MAML3: variants seen among roughly 807,000 people sequenced by gnomAD.
The protein encoded by MAML3 is mastermind like transcriptional coactivator 3, also known as mastermind-like protein 3.
Under a neutral mutation model 101.9 loss-of-function variants are expected in MAML3, and 27 were observed. The observed-to-expected ratio is 0.27, with a 90% CI of 0.20 to 0.37. MAML3 has a LOEUF of 0.37. Ranked by LOEUF, MAML3 falls within the 10% of genes least tolerant of loss-of-function variation. The pLI, the probability that MAML3 is intolerant of heterozygous loss-of-function variation, is 1.00. For synonymous variants in MAML3, 501 were observed against 555.9 expected (o/e 0.90, Z 1.39); for missense variants, 1,316 against 1,444.9 (o/e 0.91, Z 1.45).
At position 139,785,672 on chromosome 4, in the gene MAML3, A is replaced by AT. The variant is rs938103301; in HGVS notation, c.2080-55006dup. ...CCTTCATTCACATATCTCTGCACTA[A>AT]TTTTTTTTTTCCTGTGATAAAACAG... On this transcript the variant is annotated intron_variant, in intron 2 of 4. Coordinates refer to ENST00000509479, the MANE Select transcript of MAML3 (RefSeq NM_018717.5). The surrounding 1 kb of genome is among the most constrained non-coding windows in gnomAD (Gnocchi z 4.3). 7.3e-5 allele frequency among the ~76,000 whole-genome samples: 11 copies of AT among 150,620 alleles called. No individual in the cohort carries two copies. Among genetic ancestry groups the AT allele is most frequent in the Admixed American group, 2.0e-4 (3 of 15,076 alleles).
intron 1 of MAML3, among the ~76,000 whole-genome samples, chr4:139,995,047 G>T (rs1734779935): frequency 6.6e-6 from 1 of 152,064 alleles, no homozygotes. Context: ...CCTTTATCGG[G>T]ATGAGGAAAT....
At chr4:139,849,488 C>G (rs931509931) in intron 2 of MAML3, among the ~76,000 whole-genome samples, 1 of 152,170 alleles carries the variant, frequency 6.6e-6, no homozygotes, top group African/African-American at 2.4e-5. Context: ...AGCTGATAAA[C>G]AGGTTAAACT....
chr4:140,073,988 C>T (rs1727710760), intron 1 of MAML3, among the ~76,000 whole-genome samples: 2 of 151,744 alleles, frequency 1.3e-5, no homozygotes, highest in African/African-American at 4.8e-5. Flanking sequence ...AAAAATTAAC[C>T]GGGCATGGTG....
At chr4:140,046,647 T>C (rs1727187294) in intron 1 of MAML3, among the ~76,000 whole-genome samples, 1 of 152,088 alleles carries the variant, frequency 6.6e-6, no homozygotes, top group African/African-American at 2.4e-5. Flanking sequence ...GACAGTTACA[T>C]TAAGTGAGAA....
chr4:139,813,529 A>G (rs1730839914), intron 2 of MAML3, among the ~76,000 whole-genome samples: 1 of 152,234 alleles, frequency 6.6e-6, no homozygotes, highest in African/African-American at 2.4e-5. Context: ...CCTGAAAGTT[A>G]TTTACAGCCT....
intron 2 of MAML3, among the ~76,000 whole-genome samples, chr4:139,826,972 G>A (rs929318926): frequency 1.3e-5 from 2 of 152,096 alleles, no homozygotes; most frequent in African/African-American, 2.4e-5. Flanking sequence ...AAGAGTTGAG[G>A]ACAAAAAGAA....
At chr4:139,819,620 A>G (rs143675090) in intron 2 of MAML3, among the ~76,000 whole-genome samples, 14 of 152,318 alleles carry the variant, frequency 9.2e-5, no homozygotes, top group African/African-American at 3.1e-4. Flanking sequence ...CTGCCACCCG[A>G]TAAGTGGTCA....
intron 1 of MAML3, among the ~76,000 whole-genome samples, chr4:139,911,238 G>A (rs113112741): frequency 0.023 from 3,290 of 145,546 alleles, 103 homozygotes; most frequent in African/African-American, 0.08. Flanking sequence ...TTTTTTTTGC[G>A]ATGGAGTCTT....
chr4:139,748,226 G>A (rs1460589575), intron 2 of MAML3, among the ~76,000 whole-genome samples: 5 of 152,126 alleles, frequency 3.3e-5, no homozygotes, highest in Admixed American at 2.6e-4. Context: ...TAAACAGGAA[G>A]ATGGGAATTG....
chr4:139,986,183 A>C (rs4863714), intron 1 of MAML3, among the ~76,000 whole-genome samples: 1 of 152,046 alleles, frequency 6.6e-6, no homozygotes, highest in Non-Finnish European at 1.5e-5. Flanking sequence ...CGTTGTGGAC[A>C]GGGTCATCCC....
intron 2 of MAML3, among the ~76,000 whole-genome samples, chr4:139,841,414 A>G (rs1308966507): frequency 6.6e-6 from 1 of 152,218 alleles, no homozygotes; most frequent in Non-Finnish European, 1.5e-5. Context: ...GGGTTCTCAA[A>G]TAATCAAACG....
At chr4:140,105,377 G>C (rs1002337577) in intron 1 of MAML3, among the ~76,000 whole-genome samples, 1 of 152,332 alleles carries the variant, frequency 6.6e-6, no homozygotes, top group Non-Finnish European at 1.5e-5. Context: ...GTCTTAGCCA[G>C]ACACTTCATT....
rs748130456 is a variant in MAML3, at chr4:139,890,067, C to T, written c.1369G>A (p.Val457Met). The T allele has an allele frequency of 1.8e-5, 29 of 1,610,596 alleles. No homozygotes were observed. Among genetic ancestry groups the T allele is most frequent in the Non-Finnish European group, 2.4e-5 (28 of 1,178,308 alleles). ...GCTGGAGACATGTCAGAGCTGGGCACAGCCACAGGCCCTGACGCTGAACCG... is the reference window on the plus strand; with the variant it reads ...GCTGGAGACATGTCAGAGCTGGGCATAGCCACAGGCCCTGACGCTGAACCG... ...VAGSASGPVA[V>M]PSSDMSPAEQ... The change falls in exon 2 of 5, where the codon GTG becomes ATG. Residue 457 changes from valine to methionine, a missense_variant. By Grantham distance (21) the Val-to-Met change is conservative (BLOSUM62 1). Coordinates refer to ENST00000509479, the MANE Select transcript of MAML3 (RefSeq NM_018717.5). The surrounding 1 kb of genome is among the most constrained non-coding windows in gnomAD (Gnocchi z 4.1).
At chr4:140,123,950 G>A (rs943736744) in intron 1 of MAML3, among the ~76,000 whole-genome samples, 12 of 152,198 alleles carry the variant, frequency 7.9e-5, no homozygotes, top group Non-Finnish European at 1.6e-4. Context: ...TTTTTGCATC[G>A]TATTTCACAA....
intron 2 of MAML3, among the ~76,000 whole-genome samples, chr4:139,783,235 C>T (rs368270752): frequency 3.9e-5 from 6 of 152,186 alleles, no homozygotes; most frequent in Admixed American, 2.0e-4. Flanking sequence ...AATGCTACCT[C>T]GAGGACACAG....
intron 1 of MAML3, among the ~76,000 whole-genome samples, chr4:140,112,367 G>C (rs957805819): frequency 6.6e-6 from 1 of 152,040 alleles, no homozygotes; most frequent in Admixed American, 6.6e-5. Flanking sequence ...TCCAAGTCAT[G>C]CTCCATATTT....
At chr4:139,734,927 C>A (rs1023288699) in intron 2 of MAML3, among the ~76,000 whole-genome samples, 1 of 152,232 alleles carries the variant, frequency 6.6e-6, no homozygotes, top group Non-Finnish European at 1.5e-5. Flanking sequence ...TTCCAGGCGT[C>A]CCTCGCCGGG....
chr4:139,882,926 AT>A (rs1411001715), intron 2 of MAML3, among the ~76,000 whole-genome samples: 1 of 152,206 alleles, frequency 6.6e-6, no homozygotes, highest in Non-Finnish European at 1.5e-5. Flanking sequence ...TATTAATCAA[AT>A]GTAAGGATAA....
At chr4:139,974,996 A>T (rs540941993) in intron 1 of MAML3, among the ~76,000 whole-genome samples, 1 of 152,206 alleles carries the variant, frequency 6.6e-6, no homozygotes, top group South Asian at 2.1e-4. Flanking sequence ...TAAAGGGATT[A>T]TATGTTGTCA....
Sources: allele counts gnomAD v4.1 joint callset (sites outside exome capture counted in the v4.1 genomes callset), GRCh38; gene constraint gnomAD v4.1.1; non-coding constraint Gnocchi (gnomAD v3.1); transcripts MANE v1.5; gene names NCBI Gene and HGNC (gene_info 2026-07-23, HGNC 2026-07-21).